Variants in CDK7 observed in about 807,000 individuals in gnomAD.
CDK7 encodes the protein cyclin-dependent kinase 7.
In CDK7, 25 loss-of-function variants were observed where a neutral mutation model predicts 49.1. The observed-to-expected ratio is 0.51, with a 90% CI of 0.37 to 0.71. The LOEUF is 0.71. CDK7 is among the 30% of genes least tolerant of loss of function. The pLI is 0.00. For missense variants in CDK7, 316 were observed against 411.7 expected, an observed-to-expected ratio of 0.77 and a Z score of 2.01; for synonymous variants, 107 against 140.0, an observed-to-expected ratio of 0.76 and a Z score of 1.67.
intron 7 of CDK7, 138 bp from the exon 8 acceptor site, chr5:69,262,067 G>GA: frequency 1.0e-6 from 1 of 956,700 alleles, no homozygotes; most frequent in Non-Finnish European, 1.6e-6. Context: ...AAAACTTCAT[G>GA]AAAGAGTATG....
intron 10 of CDK7, among the ~76,000 whole-genome samples, chr5:69,273,948 A>G (rs1228980187): frequency 6.6e-6 from 1 of 152,066 alleles, no homozygotes; most frequent in Non-Finnish European, 1.5e-5. Flanking sequence ...TATGCTGGGT[A>G]TTTACCATTA....
At chr5:69,254,785 A>T in intron 4 of CDK7, 116 bp downstream of exon 4, 1 of 641,870 alleles carries the variant, frequency 1.6e-6, no homozygotes, top group Non-Finnish European at 2.8e-6. Context: ...GTAGAAGCTT[A>T]AAGGAAATAC....
chr5:69,235,255 G>A (rs373801417), intron 1 of CDK7, 139 bp from the exon 2 acceptor site: 2 of 784,920 alleles, frequency 2.5e-6, no homozygotes, highest in Non-Finnish European at 4.4e-6. Flanking sequence ...GGAGCTGGAC[G>A]GAGACTGACC....
intron 5 of CDK7, chr5:69,255,816 G>T: frequency 1.1e-5 from 4 of 351,144 alleles, no homozygotes; most frequent in South Asian, 2.9e-5. Flanking sequence ...AGACCTATAA[G>T]ATTTGTTTGC....
At position 69,261,516 on chromosome 5, in the gene CDK7, GTGTGTGTGTA is replaced by G. The variant is rs1750817301; in HGVS notation, c.528-679_528-670del. Among the ~76,000 whole-genome samples, 3 of 143,112 alleles carry G rather than the reference GTGTGTGTGTA, an allele frequency of 2.1e-5. No individual in the cohort carries two copies. The South Asian group carries it at 7.1e-4, about 34-fold the overall frequency. 93.9% of individuals were successfully genotyped at this position (143,112 alleles called of 152,430 possible). A position where few individuals can be genotyped will look rare whatever the true frequency, so the allele number is the denominator to read the frequency against. ...TGTGTGTGTGTGTGTGTGTGTGTGT[GTGTGTGTGTA>G]TGTGTGTGTGGTGTTTTGTTTTGAG... On this transcript the variant is annotated intron_variant, in intron 7 of 11. Coordinates refer to ENST00000256443, the MANE Select transcript of CDK7 (RefSeq NM_001799.4).
intron 2 of CDK7, among the ~76,000 whole-genome samples, chr5:69,241,479 C>T (rs1291744963): frequency 6.6e-6 from 1 of 151,952 alleles, no homozygotes; most frequent in African/African-American, 2.4e-5. Flanking sequence ...CACTGCATCA[C>T]CACACCCGGC....
chr5:69,277,024 GTGAC>G (rs1265302726), intron 11 of CDK7, 79 bp from the exon 12 acceptor site: 1 of 1,185,896 alleles, frequency 8.4e-7, no homozygotes, highest in African/African-American at 1.5e-5. Flanking sequence ...TTGGAATGCA[GTGAC>G]TGGTTAAAAT....
chr5:69,255,602 C>T (rs1750432635), intron 5 of CDK7, 74 bp downstream of exon 5: 1 of 1,082,182 alleles, frequency 9.2e-7, no homozygotes. Context: ...TGTTTTCTAC[C>T]CAAGAAGATA....
intron 9 of CDK7, among the ~76,000 whole-genome samples, chr5:69,270,702 A>C (rs1280086263): frequency 2.0e-5 from 3 of 152,190 alleles, no homozygotes; most frequent in Non-Finnish European, 2.9e-5. Context: ...ATGTTATGTA[A>C]ATGGATAAAT....
intron 9 of CDK7, among the ~76,000 whole-genome samples, chr5:69,271,978 G>A (rs1002637974): frequency 2.0e-5 from 3 of 151,458 alleles, no homozygotes; most frequent in African/African-American, 7.3e-5. Flanking sequence ...CCAGGTTGGA[G>A]TGGGGTCTCA....
chr5:69,258,702 A>G (rs1750641107), intron 6 of CDK7, among the ~76,000 whole-genome samples: 1 of 152,050 alleles, frequency 6.6e-6, no homozygotes, highest in South Asian at 2.1e-4. Context: ...TTAATAGATG[A>G]AGAGCTAAGT....
At chr5:69,270,018 G>A (rs889811543) in intron 9 of CDK7, among the ~76,000 whole-genome samples, 2 of 148,404 alleles carry the variant, frequency 1.3e-5, no homozygotes, top group Admixed American at 1.3e-4. Flanking sequence ...GATCATTTGA[G>A]GCCAGGAGTT....
At position 69,255,404 on chromosome 5, in the gene CDK7, T is replaced by C. The variant is rs1308069203; in HGVS notation, c.229-56T>C. The C allele has an allele frequency of 3.0e-6, 3 of 990,336 alleles. No individual in the cohort carries two copies. The African/African-American group carries it at 4.9e-5, about 16-fold the overall frequency. 61.3% of individuals were successfully genotyped at this position (990,336 alleles called of 1,614,324 possible). On this transcript the variant is annotated intron_variant, in intron 4 of 11. Transcript: ENST00000256443. ...AATTTTTAAAAATTGCCTCAGTTGC[T>C]ATGATACTGTCAGGTATTAAATAGT...
At chr5:69,268,480 T>C (rs1020848769) in intron 8 of CDK7, among the ~76,000 whole-genome samples, 5 of 152,214 alleles carry the variant, frequency 3.3e-5, no homozygotes, top group African/African-American at 4.8e-5. Context: ...ATACACTTTG[T>C]ACTAAATTTT....
rs1175137707 is a variant in CDK7, at chr5:69,238,725, CGGCTCACTGCAACCTCCACCTCCCCA to C, written c.126+3279_126+3304del. ...AGGCTGGAGTGCAGTGGCGTGATCT[CGGCTCACTGCAACCTCCACCTCCCCA>C]GGCTCAAGCAGTTCTCCTGCCGCAG... On this transcript the variant is annotated intron_variant, in intron 2 of 11. Coordinates refer to ENST00000256443, the MANE Select transcript of CDK7 (RefSeq NM_001799.4). 1.9e-4 allele frequency among the ~76,000 whole-genome samples: 28 copies of C among 150,450 alleles called. No homozygotes were observed. The South Asian group carries it at 3.4e-3, about 18-fold the overall frequency.
Position 69,259,804 on chromosome 5 carries a change from C to T in CDK7, c.409-14C>T. The T allele has an allele frequency of 6.4e-7, 1 of 1,567,922 alleles. No individual in the cohort carries two copies. Among genetic ancestry groups the T allele is most frequent in the Non-Finnish European group, 8.8e-7 (1 of 1,138,196 alleles). ...ACCCTGCTTATTTGTTTGTTTAAAA[C>T]TTCCGTCATATAGGATCTGAAACCA... On this transcript the variant is annotated splice_polypyrimidine_tract_variant and intron_variant, in intron 6 of 11. Coordinates refer to ENST00000256443, the MANE Select transcript of CDK7 (RefSeq NM_001799.4).
chr5:69,239,272 C>T (rs962663539), intron 2 of CDK7, among the ~76,000 whole-genome samples: 12 of 152,120 alleles, frequency 7.9e-5, no homozygotes, highest in African/African-American at 2.9e-4. Flanking sequence ...TTGTCAATTA[C>T]GTAGATTGAA....
chr5:69,237,193 T>C (rs879538392), intron 2 of CDK7, among the ~76,000 whole-genome samples: 3 of 151,988 alleles, frequency 2.0e-5, no homozygotes, highest in Admixed American at 6.6e-5. Context: ...CACCAACTCC[T>C]GGACTAAAGT....
In CDK7 at chr5:69,234,894, T is replaced by C. The variant is rs1424831463; in HGVS notation, c.-82T>C. ...GGAGCCCGGTGGACGGAAGTGGGTG[T>C]TGGAGGCTTTAAGGTAGCTTTAAAT... On this transcript the variant is annotated 5_prime_UTR_variant, in exon 1 of 12. Coordinates refer to ENST00000256443, the MANE Select transcript of CDK7 (RefSeq NM_001799.4). The C allele has an allele frequency of 3.7e-6, 5 of 1,369,398 alleles. No homozygotes were observed. In the East Asian group the frequency reaches 1.0e-4, roughly 27 times the overall value. The allele number at this position is 1,369,398 out of a possible 1,614,324, so 84.8% of individuals were successfully genotyped here. A position where few individuals can be genotyped will look rare whatever the true frequency, so the allele number is the denominator to read the frequency against.
Sources: allele counts gnomAD v4.1 joint callset (sites outside exome capture counted in the v4.1 genomes callset), GRCh38; gene constraint gnomAD v4.1.1; transcripts MANE v1.5; gene names NCBI Gene and HGNC (gene_info 2026-07-23, HGNC 2026-07-21).